The following ANO2 variants were observed in gnomAD, a reference collection of about 807,000 sequenced individuals.
The protein encoded by ANO2 is anoctamin-2.
Under a neutral mutation model 124.2 loss-of-function variants are expected in ANO2, and 101 were observed. The observed-to-expected ratio is 0.81, with a 90% CI of 0.69 to 0.96. The LOEUF (loss-of-function observed/expected upper bound fraction) is 0.96, where lower values mean the gene tolerates loss of function less well. Among genes scored for constraint, ANO2 ranks in the 40% least tolerant of loss-of-function variants. The pLI is 0.00. For missense variants in ANO2, 1,293 were observed against 1,274.5 expected (o/e 1.01, Z -0.22); for synonymous variants, 486 against 482.5 (o/e 1.01, Z -0.09).
At chr12:5,765,215 A>C (rs1024735) in intron 10 of ANO2, among the ~76,000 whole-genome samples, 152,235 of 152,272 alleles carry the variant, frequency 1, 76,099 homozygotes, top group Non-Finnish European at 1. Context: ...AGGAGCCAGG[A>C]AGATAACAAA....
intron 1 of ANO2, among the ~76,000 whole-genome samples, chr12:5,937,408 T>C (rs959569779): frequency 6.6e-6 from 1 of 152,238 alleles, no homozygotes; most frequent in Non-Finnish European, 1.5e-5. Context: ...AATTAGGTTA[T>C]TTGTATTTTT....
chr12:5,796,855 A>G (rs1952878794), intron 10 of ANO2, among the ~76,000 whole-genome samples: 1 of 152,176 alleles, frequency 6.6e-6, no homozygotes, highest in Non-Finnish European at 1.5e-5. Flanking sequence ...CCTTCCACAT[A>G]CAAACAGGTC....
At chr12:5,871,782 A>G (rs1488875312) in intron 3 of ANO2, among the ~76,000 whole-genome samples, 1 of 152,198 alleles carries the variant, frequency 6.6e-6, no homozygotes. Context: ...AGCAAAACCA[A>G]TGGATACAAA....
chr12:5,910,916 T>C (rs1212004646), intron 3 of ANO2, among the ~76,000 whole-genome samples: 3 of 152,174 alleles, frequency 2.0e-5, no homozygotes, highest in Non-Finnish European at 4.4e-5. Flanking sequence ...ACTTGCACAG[T>C]CCACGCCAGC....
chr12:5,594,081 A>G (rs1943539254), intron 20 of ANO2, among the ~76,000 whole-genome samples: 1 of 152,226 alleles, frequency 6.6e-6, no homozygotes, highest in Non-Finnish European at 1.5e-5. Context: ...ATCTCTTAAG[A>G]TTGAAAGTCA....
rs539422592 is a variant in ANO2, at chr12:5,635,150, A to G, written c.1816+2T>C. ...CAGCCAGAAGTCTCGGTGACACAGT[A>G]CCAATTTTGGTGAGCCACTTGGCCA... is the stretch of plus-strand genomic sequence containing the variant. On this transcript the variant is annotated splice_donor_variant, in intron 16 of 24. Transcript: ENST00000682330. LOFTEE classifies it high-confidence loss of function. The surrounding 1 kb of genome is among the most constrained non-coding windows in gnomAD (Gnocchi z 5.2). 126 of 1,573,264 alleles carry G rather than the reference A, an allele frequency of 8.0e-5. No individual in the cohort carries two copies. The highest frequency in any genetic ancestry group is 3.8e-4 in the Admixed American group (20 of 52,254).
intron 14 of ANO2, among the ~76,000 whole-genome samples, chr12:5,693,143 G>C (rs953447489): frequency 6.6e-6 from 1 of 152,086 alleles, no homozygotes; most frequent in Non-Finnish European, 1.5e-5. Context: ...GAGCTGACAA[G>C]GTCTCATGGC....
At chr12:5,643,008 A>G (rs759119755) in intron 15 of ANO2, among the ~76,000 whole-genome samples, 1 of 152,148 alleles carries the variant, frequency 6.6e-6, no homozygotes, top group Non-Finnish European at 1.5e-5. Flanking sequence ...CCTATTTAAT[A>G]TATGTATTTT....
chr12:5,766,809 T>C (rs1014068164), intron 10 of ANO2, among the ~76,000 whole-genome samples: 3 of 152,212 alleles, frequency 2.0e-5, no homozygotes, highest in Non-Finnish European at 2.9e-5. Flanking sequence ...GTCAAGCATA[T>C]GTAACACTCT....
At chr12:5,630,670 G>C (rs1302870696) in intron 16 of ANO2, among the ~76,000 whole-genome samples, 1 of 152,190 alleles carries the variant, frequency 6.6e-6, no homozygotes, top group Admixed American at 6.5e-5. Flanking sequence ...TGAATGAAGA[G>C]AGAGACGTAT....
At chr12:5,906,819 AAAAAT>A (rs1217118555) in intron 3 of ANO2, among the ~76,000 whole-genome samples, 3 of 151,452 alleles carry the variant, frequency 2.0e-5, no homozygotes, top group African/African-American at 7.3e-5. Flanking sequence ...ATAAATAAAT[AAAAAT>A]AAAATAAATA....
intron 10 of ANO2, among the ~76,000 whole-genome samples, chr12:5,766,510 G>C (rs1951894547): frequency 6.6e-6 from 1 of 152,118 alleles, no homozygotes; most frequent in African/African-American, 2.4e-5. Context: ...AATAATTCTT[G>C]CGTTAGAAGT....
At chr12:5,789,980 G>A (rs1952650308) in intron 10 of ANO2, among the ~76,000 whole-genome samples, 1 of 152,162 alleles carries the variant, frequency 6.6e-6, no homozygotes, top group Admixed American at 6.5e-5. Flanking sequence ...AGGGACACGT[G>A]GTCAAACAGT....
intron 3 of ANO2, among the ~76,000 whole-genome samples, chr12:5,897,718 C>T (rs1474110985): frequency 1.4e-5 from 2 of 146,346 alleles, no homozygotes; most frequent in Non-Finnish European, 3.0e-5. Context: ...TTGACTCACA[C>T]CTCATGCCAC....
intron 1 of ANO2, among the ~76,000 whole-genome samples, chr12:5,936,789 TTTGAG>T (rs1233628601): frequency 6.0e-4 from 92 of 152,260 alleles, no homozygotes; most frequent in African/African-American, 2.2e-3. Flanking sequence ...TACGATTCAC[TTTGAG>T]TTAATTTTTA....
intron 14 of ANO2, among the ~76,000 whole-genome samples, chr12:5,667,798 C>A (rs149899804): frequency 6.6e-6 from 1 of 152,242 alleles, no homozygotes; most frequent in African/African-American, 2.4e-5. Context: ...TGAGAACATG[C>A]GGTGTTTGGG....
At chr12:5,728,642 C>T (rs1389828860) in intron 14 of ANO2, among the ~76,000 whole-genome samples, 1 of 152,060 alleles carries the variant, frequency 6.6e-6, no homozygotes, top group Admixed American at 6.6e-5. Context: ...ACAAGTTAGT[C>T]ATGAAGTTCA....
At chr12:5,623,009 G>A (rs1002095994) in intron 16 of ANO2, among the ~76,000 whole-genome samples, 4 of 151,080 alleles carry the variant, frequency 2.6e-5, no homozygotes, top group African/African-American at 7.3e-5. Context: ...GGAAAGAAAT[G>A]AAGAAATGGA....
intron 1 of ANO2, among the ~76,000 whole-genome samples, chr12:5,936,184 G>A (rs1942646817): frequency 6.6e-6 from 1 of 152,014 alleles, no homozygotes; most frequent in Non-Finnish European, 1.5e-5. Context: ...CCATTCTGTA[G>A]GTTGTCTGTT....
Sources: allele counts gnomAD v4.1 joint callset (sites outside exome capture counted in the v4.1 genomes callset), GRCh38; gene constraint gnomAD v4.1.1; non-coding constraint Gnocchi (gnomAD v3.1); transcripts MANE v1.5; gene names NCBI Gene and HGNC (gene_info 2026-07-23, HGNC 2026-07-21).